Variants in ABHD2 observed in about 807,000 individuals in gnomAD.
The protein encoded by ABHD2 is monoacylglycerol lipase ABHD2.
A neutral mutation model predicts 48.1 loss-of-function variants in ABHD2; 20 were observed. That is an observed-to-expected ratio of 0.42 (90% confidence interval 0.29 to 0.60). The LOEUF (loss-of-function observed/expected upper bound fraction) is 0.60, where lower values mean the gene tolerates loss of function less well. Among genes scored for constraint, ABHD2 ranks in the 20% least tolerant of loss-of-function variants. The pLI is 0.24. For synonymous variants in ABHD2, 209 were observed against 214.2 expected, an observed-to-expected ratio of 0.98 and a Z score of 0.21; for missense variants, 405 against 550.9, an observed-to-expected ratio of 0.74 and a Z score of 2.65.
intron 5 of ABHD2, among the ~76,000 whole-genome samples, chr15:89,170,080 C>CTTTGTT (rs2050898616): frequency 5.3e-5 from 2 of 37,486 alleles, no homozygotes; most frequent in African/African-American, 1.5e-4. Context: ...AGATCAGATT[C>CTTTGTT]TTTTTTTTTT....
At chr15:89,099,383 T>C (rs969822848) in intron 1 of ABHD2, among the ~76,000 whole-genome samples, 1 of 152,158 alleles carries the variant, frequency 6.6e-6, no homozygotes, top group Non-Finnish European at 1.5e-5. Context: ...GAGGATCACT[T>C]GAGGCCAGTA....
At chr15:89,161,096 C>A (rs1217759582) in intron 5 of ABHD2, among the ~76,000 whole-genome samples, 1 of 151,914 alleles carries the variant, frequency 6.6e-6, no homozygotes, top group Non-Finnish European at 1.5e-5. Flanking sequence ...CTAGAATTTC[C>A]CATGGGAGCT....
At chr15:89,143,647 C>T (rs541215185) in intron 3 of ABHD2, among the ~76,000 whole-genome samples, 8 of 151,010 alleles carry the variant, frequency 5.3e-5, no homozygotes, top group African/African-American at 1.5e-4. Flanking sequence ...TGCGCCATTG[C>T]ACTCCAGCCT....
At chr15:89,172,469 C>G (rs1436377277) in intron 5 of ABHD2, among the ~76,000 whole-genome samples, 1 of 152,222 alleles carries the variant, frequency 6.6e-6, no homozygotes, top group Non-Finnish European at 1.5e-5. Flanking sequence ...CCTTTTAAAG[C>G]TGAATAATAT....
the ABHD2 span, among the ~76,000 whole-genome samples, chr15:89,064,173 G>T: frequency 6.7e-6 from 1 of 149,518 alleles, no homozygotes; most frequent in Non-Finnish European, 1.5e-5. Flanking sequence ...TATAGCATGT[G>T]TCAGAATTTC....
chr15:89,104,587 T>G lies in ABHD2; in HGVS notation c.-106-9138T>G, dbSNP rs1414462806. ...AACCAGAACGCTCAGGAACGGTGAG[T>G]CCCAGTTATTTTTATTTTCTCATTA... On this transcript the variant is annotated intron_variant, in intron 1 of 10. Transcript: ENST00000352732. This position sits in a 1 kb window ranked among gnomAD's most constrained non-coding sequence, Gnocchi z 4.4. Among the ~76,000 whole-genome samples, 1 of 151,980 alleles carries G rather than the reference T, an allele frequency of 6.6e-6. No individual in the cohort carries two copies. Among genetic ancestry groups the G allele is most frequent in the Middle Eastern group, 3.2e-3 (1 of 316 alleles).
In ABHD2 at chr15:89,138,894, G is replaced by A. The variant is rs545264197; in HGVS notation, c.195-12783G>A. Among the ~76,000 whole-genome samples, 36 of 151,802 alleles carry A rather than the reference G, an allele frequency of 2.4e-4. 1 individual carries two copies. The South Asian group carries it at 5.6e-3, about 24-fold the overall frequency. On this transcript the variant is annotated intron_variant, in intron 3 of 10. Transcript: ENST00000352732. ...TTTTTTTCCTCATTTTTAAAACGGG[G>A]AAGACACCATTGCTCAGAATTGTGA...
rs1025803 is a variant in ABHD2, at chr15:89,133,182, T to C, written c.194+16661T>C. ...GGCTCTTGTTTATCCTTCCATCTTT[T>C]CTTTGTGAAATATCACTCAGAGATT... is the stretch of plus-strand genomic sequence containing the variant. On this transcript the variant is annotated intron_variant, in intron 3 of 10. Coordinates refer to ENST00000352732, the MANE Select transcript of ABHD2 (RefSeq NM_152924.5). 3.0e-3 allele frequency among the ~76,000 whole-genome samples: 461 copies of C among 152,138 alleles called. 3 individuals carry two copies. The highest frequency in any genetic ancestry group is 8.6e-3 in the African/African-American group (358 of 41,504).
At chr15:89,066,293 C>G in the ABHD2 span, among the ~76,000 whole-genome samples, 5 of 152,162 alleles carry the variant, frequency 3.3e-5, no homozygotes, top group South Asian at 1.0e-3. Context: ...CCTCTCTCCT[C>G]TCTTCAGGTA....
chr15:89,058,483 C>T, the ABHD2 span, among the ~76,000 whole-genome samples: 6 of 152,282 alleles, frequency 3.9e-5, no homozygotes, highest in Admixed American at 1.3e-4. Context: ...GGTCCTGGTA[C>T]ACGGAGCCTA....
At chr15:89,152,283 G>A (rs1419818021) in intron 4 of ABHD2, among the ~76,000 whole-genome samples, 2 of 152,034 alleles carry the variant, frequency 1.3e-5, no homozygotes, top group Non-Finnish European at 2.9e-5. Context: ...TTTTAACTGT[G>A]TTAGCCAGGA....
chr15:89,049,854 A>T, the ABHD2 span, among the ~76,000 whole-genome samples: 1 of 152,208 alleles, frequency 6.6e-6, no homozygotes, highest in Non-Finnish European at 1.5e-5. Flanking sequence ...CATCTTTTGC[A>T]TCGCTCATGC....
At chr15:89,101,563 T>C (rs1431429991) in intron 1 of ABHD2, among the ~76,000 whole-genome samples, 2 of 152,206 alleles carry the variant, frequency 1.3e-5, no homozygotes, top group African/African-American at 2.4e-5. Context: ...CACTATGCAC[T>C]CAACACCCTA....
At chr15:89,108,514 T>A (rs1265806590) in intron 1 of ABHD2, among the ~76,000 whole-genome samples, 1 of 152,232 alleles carries the variant, frequency 6.6e-6, no homozygotes, top group Non-Finnish European at 1.5e-5. Context: ...TCACATTCAC[T>A]GGTTTCAGAT....
chr15:89,188,137 C>A lies in ABHD2; in HGVS notation c.816-56C>A, dbSNP rs977757102. 12 of 1,499,316 alleles carry A rather than the reference C, an allele frequency of 8.0e-6. No individual in the cohort carries two copies. The highest frequency in any genetic ancestry group is 1.1e-5 in the Non-Finnish European group (12 of 1,076,994). 92.9% of individuals were successfully genotyped at this position (1,499,316 alleles called of 1,614,324 possible). On this transcript the variant is annotated intron_variant, in intron 7 of 10. Coordinates refer to ENST00000352732, the MANE Select transcript of ABHD2 (RefSeq NM_152924.5). The surrounding 1 kb of genome is among the most constrained non-coding windows in gnomAD (Gnocchi z 4.1). ...TGCTGTGGCAAGGAAGCAGGCTATG[C>A]CATGGTTGTTCATCCTCCACATCTT...
At chr15:89,042,443 T>A in the ABHD2 span, among the ~76,000 whole-genome samples, 1 of 152,160 alleles carries the variant, frequency 6.6e-6, no homozygotes, top group Non-Finnish European at 1.5e-5. Context: ...TAGACCATCA[T>A]TCCTGCCTTC....
In ABHD2 at chr15:89,201,609, C is replaced by T. The variant is rs2051465992; in HGVS notation, c.*6186C>T. The T allele has an allele frequency of 1.3e-6, 2 of 1,594,056 alleles. No homozygotes were observed. Among genetic ancestry groups the T allele is most frequent in the Admixed American group, 1.7e-5 (1 of 59,960 alleles). On this transcript the variant is annotated 3_prime_UTR_variant, in exon 11 of 11. Coordinates refer to ENST00000352732, the MANE Select transcript of ABHD2 (RefSeq NM_152924.5). ...AGTTGACCCTGGGTCAATAATTCCA[C>T]TGTTGGGCCTCACACAGTACCGGTG...
At position 89,197,418 on chromosome 15, in the gene ABHD2, TC is replaced by T. The variant is rs2051423990; in HGVS notation, c.*1998del. On this transcript the variant is annotated 3_prime_UTR_variant, in exon 11 of 11. Transcript: ENST00000352732. The surrounding 1 kb of genome is among the most constrained non-coding windows in gnomAD (Gnocchi z 4.4). ...GTTAGCCCCTCTCCTCTGTTACTTTTCCCTTCACCCAACTACAGCTGTGATC... is the reference window on the plus strand; with the variant it reads ...GTTAGCCCCTCTCCTCTGTTACTTTTCCTTCACCCAACTACAGCTGTGATC... 6.6e-6 allele frequency: 1 copy of T among 152,666 alleles called. No individual in the cohort carries two copies. Among genetic ancestry groups the T allele is most frequent in the South Asian group, 2.1e-4 (1 of 4,818 alleles). 9.5% of individuals were successfully genotyped at this position (152,666 alleles called of 1,614,324 possible). A position where few individuals can be genotyped will look rare whatever the true frequency, so the allele number is the denominator to read the frequency against.
At position 89,155,362 on chromosome 15, in the gene ABHD2, T is replaced by A; in HGVS notation, c.371-5T>A. 1 of 1,613,654 alleles carries A rather than the reference T, an allele frequency of 6.2e-7. No individual in the cohort carries two copies. The highest frequency in any genetic ancestry group is 8.5e-7 in the Non-Finnish European group (1 of 1,179,600). Reference sequence around the variant, plus strand: ...TACATCAGGATCTCTTTCTCTACGCTATAGATGATATCACCATGGTCATCT... The same window carrying A: ...TACATCAGGATCTCTTTCTCTACGCAATAGATGATATCACCATGGTCATCT... On this transcript the variant is annotated splice_polypyrimidine_tract_variant and splice_region_variant and intron_variant, in intron 4 of 10. Transcript: ENST00000352732. This position sits in a 1 kb window ranked among gnomAD's most constrained non-coding sequence, Gnocchi z 4.9.
Sources: gnomAD v4.1 joint callset for allele counts (sites outside exome capture counted in the v4.1 genomes callset) on GRCh38, gnomAD v4.1.1 for gene constraint, Gnocchi (gnomAD v3.1) non-coding constraint, MANE v1.5 for transcripts, NCBI Gene and HGNC (gene_info 2026-07-23, HGNC 2026-07-21) for gene names.